The following NCKAP1 variants were observed in gnomAD, a reference collection of about 807,000 sequenced individuals.
NCKAP1 encodes the protein nck-associated protein 1.
Under a neutral mutation model 151.2 loss-of-function variants are expected in NCKAP1, and 21 were observed. The ratio of observed to expected loss-of-function variants is 0.14; its 90% CI spans 0.10 to 0.20. The LOEUF (loss-of-function observed/expected upper bound fraction) is 0.20, where lower values mean the gene tolerates loss of function less well. Among genes scored for constraint, NCKAP1 ranks in the 10% least tolerant of loss-of-function variants. The pLI is 1.00. For synonymous variants in NCKAP1, 484 were observed against 451.8 expected (o/e 1.07, Z -0.90); for missense variants, 933 against 1,352.1 (o/e 0.69, Z 4.86).
At chr2:182,945,410 A>C (rs537163974) in intron 23 of NCKAP1, among the ~76,000 whole-genome samples, 1 of 152,150 alleles carries the variant, frequency 6.6e-6, no homozygotes, top group East Asian at 1.9e-4. Flanking sequence ...AAAAGAAAGA[A>C]AGAAAAAAAA....
intron 24 of NCKAP1, among the ~76,000 whole-genome samples, chr2:182,936,902 G>A (rs1696886213): frequency 6.6e-6 from 1 of 151,754 alleles, no homozygotes; most frequent in Non-Finnish European, 1.5e-5. Flanking sequence ...ATCACTTGAG[G>A]TCAGGAGTTC....
At position 182,912,724 on chromosome 2, in the gene NCKAP1, T is replaced by C. The variant is rs550189227; in HGVS notation, c.*12978A>G. 1.3e-4 allele frequency: 20 copies of C among 152,322 alleles called. 1 individual carries two copies. The South Asian group carries it at 3.3e-3, about 25-fold the overall frequency. 9.4% of individuals were successfully genotyped at this position (152,322 alleles called of 1,614,324 possible). A position where few individuals can be genotyped will look rare whatever the true frequency, so the allele number is the denominator to read the frequency against. ...TTTATTACTCCTTCGTCATTGAAAC[T>C]AATACACGCTCTAACCTTTATAGCT... On this transcript the variant is annotated 3_prime_UTR_variant, in exon 31 of 31. Transcript: ENST00000361354.
chr2:182,946,417 G>A (rs1316953275), intron 23 of NCKAP1, among the ~76,000 whole-genome samples: 2 of 151,476 alleles, frequency 1.3e-5, no homozygotes, highest in South Asian at 2.1e-4. Flanking sequence ...AAAAAGGAGC[G>A]ACACACACCA....
rs1396102213 is a variant in NCKAP1, at chr2:182,918,887, A to G, written c.*6815T>C. The G allele has an allele frequency of 1.3e-5, 2 of 152,230 alleles. No homozygotes were observed. Among genetic ancestry groups the G allele is most frequent in the African/African-American group, 2.4e-5 (1 of 41,468 alleles). The allele number at this position is 152,230 out of a possible 1,614,324, so 9.4% of individuals were successfully genotyped here. On this transcript the variant is annotated 3_prime_UTR_variant, in exon 31 of 31. Transcript: ENST00000361354. ...CTATTGGTTAGAAAAGTCCACACTC[A>G]CATTTGAGAGATCTGAGACACAGTT... is the stretch of plus-strand genomic sequence containing the variant.
intron 8 of NCKAP1, among the ~76,000 whole-genome samples, chr2:182,991,171 AC>A (rs1317480479): frequency 2.6e-5 from 4 of 152,204 alleles, no homozygotes; most frequent in African/African-American, 9.7e-5. Context: ...TTTATCACTT[AC>A]AAGTTAAAAG....
rs1360221045 is a variant in NCKAP1, at chr2:182,917,281, C to G, written c.*8421G>C. Reference sequence around the variant, plus strand: ...GAGGCTGTGGCATCATACTTCAAGTCATATCCACGTCCAAAATCCTACCAG... The same window carrying G: ...GAGGCTGTGGCATCATACTTCAAGTGATATCCACGTCCAAAATCCTACCAG... On this transcript the variant is annotated 3_prime_UTR_variant, in exon 31 of 31. Coordinates refer to ENST00000361354, the MANE Select transcript of NCKAP1 (RefSeq NM_013436.5). 1.3e-5 allele frequency: 2 copies of G among 152,176 alleles called. No homozygotes were observed. The highest frequency in any genetic ancestry group is 1.3e-4 in the Admixed American group (2 of 15,274). 9.4% of individuals were successfully genotyped at this position (152,176 alleles called of 1,614,324 possible). A position where few individuals can be genotyped will look rare whatever the true frequency, so the allele number is the denominator to read the frequency against.
intron 9 of NCKAP1, among the ~76,000 whole-genome samples, chr2:182,988,248 A>C (rs71427866): frequency 1.1e-3 from 160 of 152,334 alleles, no homozygotes; most frequent in Non-Finnish European, 9.1e-4. Context: ...ATACATTAAA[A>C]TATCTAGAAG....
At chr2:182,932,664 GT>G (rs984383123) in intron 26 of NCKAP1, among the ~76,000 whole-genome samples, 90 of 145,592 alleles carry the variant, frequency 6.2e-4, no homozygotes, top group Middle Eastern at 3.5e-3. Flanking sequence ...GTTTTTTGTT[GT>G]TTTTTTTTTT....
At position 182,991,177 on chromosome 2, in the gene NCKAP1, TA is replaced by T. The variant is rs1698163700; in HGVS notation, c.791-1992del. On this transcript the variant is annotated intron_variant, in intron 8 of 30. Transcript: ENST00000361354. ...CTGAAAATTTTTATCACTTACAAGT[TA>T]AAAGTGTTTGTTTTTAACATACGTG... Among the ~76,000 whole-genome samples, 4 of 152,354 alleles carry T rather than the reference TA, an allele frequency of 2.6e-5. No individual in the cohort carries two copies. In the South Asian group the frequency reaches 8.3e-4, roughly 32 times the overall value.
rs1244654929 is a variant in NCKAP1 at position 182,922,649 on chromosome 2, A to C, written c.*3053T>G. ...CTTACACAGATGACACTTTCTTCTA[A>C]CACTTTCTTCTAAAGTAGTTTCACC... is the stretch of plus-strand genomic sequence containing the variant. On this transcript the variant is annotated 3_prime_UTR_variant, in exon 31 of 31. Coordinates refer to ENST00000361354, the MANE Select transcript of NCKAP1 (RefSeq NM_013436.5). 6.6e-6 allele frequency: 1 copy of C among 152,226 alleles called. No homozygotes were observed. 9.4% of individuals were successfully genotyped at this position (152,226 alleles called of 1,614,324 possible).
chr2:182,988,855 A>C (rs1471723397), intron 9 of NCKAP1, among the ~76,000 whole-genome samples, 175 bp downstream of exon 9: 1 of 152,178 alleles, frequency 6.6e-6, no homozygotes, highest in Non-Finnish European at 1.5e-5. Context: ...TGTAAAAAAC[A>C]TGATTATTAA....
chr2:182,912,238 C>T lies in NCKAP1; in HGVS notation c.*13464G>A, dbSNP rs1483832333. 1 of 152,286 alleles carries T rather than the reference C, an allele frequency of 6.6e-6. No homozygotes were observed. The highest frequency in any genetic ancestry group is 1.9e-4 in the East Asian group (1 of 5,178). 9.4% of individuals were successfully genotyped at this position (152,286 alleles called of 1,614,324 possible). On this transcript the variant is annotated 3_prime_UTR_variant, in exon 31 of 31. Coordinates refer to ENST00000361354, the MANE Select transcript of NCKAP1 (RefSeq NM_013436.5). ...AAATATGCTTTTGCCTTTAAGGCAA[C>T]ATGTTGCCCATTACGTATTAATAAA...
At chr2:182,965,400 C>T (rs940521157) in intron 16 of NCKAP1, among the ~76,000 whole-genome samples, 1 of 151,898 alleles carries the variant, frequency 6.6e-6, no homozygotes, top group Non-Finnish European at 1.5e-5. Context: ...TCACAGTTCA[C>T]TGCATCCTTA....
rs1315374187 is a variant in NCKAP1 at position 182,998,851 on chromosome 2, AAAAAAAG to A, written c.604-3020_604-3014del. ...GACTCCAACAAAAAAAAAAAAAAAA[AAAAAAAG>A]GGGGGAAGGAAGGAAGGGCAAGCAA... On this transcript the variant is annotated intron_variant, in intron 6 of 30. Coordinates refer to ENST00000361354, the MANE Select transcript of NCKAP1 (RefSeq NM_013436.5). 9.7e-4 allele frequency among the ~76,000 whole-genome samples: 143 copies of A among 147,382 alleles called. 1 individual carries two copies. Among genetic ancestry groups the A allele is most frequent in the African/African-American group, 3.5e-3 (139 of 39,832 alleles).
chr2:182,939,213 C>T (rs1266047998), intron 24 of NCKAP1, among the ~76,000 whole-genome samples: 1 of 152,012 alleles, frequency 6.6e-6, no homozygotes, highest in Admixed American at 6.6e-5. Flanking sequence ...AGGAGATTTG[C>T]CCAAGTCACA....
chr2:182,996,370 T>A (rs1247687014), intron 6 of NCKAP1, among the ~76,000 whole-genome samples: 1 of 152,244 alleles, frequency 6.6e-6, no homozygotes, highest in Non-Finnish European at 1.5e-5. Context: ...ATTATCAAGG[T>A]ATTTAACGTT....
intron 20 of NCKAP1, among the ~76,000 whole-genome samples, chr2:182,955,573 A>G (rs1575028184): frequency 6.6e-6 from 1 of 152,204 alleles, no homozygotes; most frequent in Non-Finnish European, 1.5e-5. Context: ...CTAGAATTCT[A>G]TTGGCTTATT....
chr2:182,932,422 G>A (rs1197704234), intron 26 of NCKAP1, among the ~76,000 whole-genome samples: 1 of 152,118 alleles, frequency 6.6e-6, no homozygotes, highest in Non-Finnish European at 1.5e-5. Context: ...TAAACAGAAA[G>A]TAGATTAGTC....
rs115056620 is a variant in NCKAP1 at position 182,979,899 on chromosome 2, T to G, written c.1342-984A>C. 8.0e-3 allele frequency among the ~76,000 whole-genome samples: 1,218 copies of G among 152,238 alleles called. 13 individuals are homozygous for G. Among genetic ancestry groups the G allele is most frequent in the African/African-American group, 0.028 (1,165 of 41,570 alleles). On this transcript the variant is annotated intron_variant, in intron 13 of 30. Coordinates refer to ENST00000361354, the MANE Select transcript of NCKAP1 (RefSeq NM_013436.5). ...ACTCTCACAGAGGTTTTCTACAGAT[T>G]TGGTAAGATACACTATCAATAAATC...
Sources: allele counts gnomAD v4.1 joint callset (sites outside exome capture counted in the v4.1 genomes callset), GRCh38; gene constraint gnomAD v4.1.1; transcripts MANE v1.5; gene names NCBI Gene and HGNC (gene_info 2026-07-23, HGNC 2026-07-21).